ARFIP1: variants seen among roughly 807,000 people sequenced by gnomAD.
ARFIP1 encodes the protein ARF interacting protein 1, also known as arfaptin-1.
In ARFIP1, 24 loss-of-function variants were observed where a neutral mutation model predicts 42.5. The observed-to-expected ratio is 0.57, with a 90% confidence interval of 0.41 to 0.80. The LOEUF is 0.80. Among genes scored for constraint, ARFIP1 ranks in the 30% least tolerant of loss-of-function variants. The pLI is 0.00. For synonymous variants in ARFIP1, 141 were observed against 153.7 expected (o/e 0.92, Z 0.61); for missense variants, 354 against 434.0 (o/e 0.82, Z 1.64).
intron 2 of ARFIP1, among the ~76,000 whole-genome samples, chr4:152,862,171 C>A (rs1489486969): frequency 6.6e-6 from 1 of 152,116 alleles, no homozygotes; most frequent in African/African-American, 2.4e-5. Flanking sequence ...ATAATGACTG[C>A]CCAGTGCTAC....
chr4:152,806,077 C>G (rs1728974345), intron 1 of ARFIP1, among the ~76,000 whole-genome samples: 1 of 152,154 alleles, frequency 6.6e-6, no homozygotes, highest in South Asian at 2.1e-4. Context: ...TTTAAAAGAT[C>G]TAAAATGAGG....
intron 1 of ARFIP1, among the ~76,000 whole-genome samples, chr4:152,795,433 A>G (rs1428503231): frequency 6.6e-6 from 1 of 152,158 alleles, no homozygotes; most frequent in Non-Finnish European, 1.5e-5. Flanking sequence ...TTCCTACCAT[A>G]GAAAGGTAAT....
chr4:152,854,006 G>T (rs1335676905), intron 2 of ARFIP1, among the ~76,000 whole-genome samples: 2 of 134,942 alleles, frequency 1.5e-5, no homozygotes, highest in East Asian at 2.4e-4. Context: ...TCCACCTCCC[G>T]AGTTCAAGCA....
chr4:152,897,016 T>C lies in ARFIP1; in HGVS notation c.966+8709T>C, dbSNP rs145586493. On this transcript the variant is annotated intron_variant, in intron 8 of 8. Transcript: ENST00000353617. ...TTACAGAAGAAAATATCTTAACATA[T>C]GGTGCAACATTTGCTGCTGTTAGTG... Among the ~76,000 whole-genome samples the C allele has an allele frequency of 4.6e-5, 7 of 152,312 alleles. No homozygotes were observed. In the East Asian group the frequency reaches 1.2e-3, roughly 25 times the overall value.
At chr4:152,872,778 A>T (rs559244128) in intron 5 of ARFIP1, among the ~76,000 whole-genome samples, 274 of 152,308 alleles carry the variant, frequency 1.8e-3, no homozygotes, top group Non-Finnish European at 2.7e-3. Context: ...AAAAGCTATT[A>T]AAATGCTTAT....
intron 8 of ARFIP1, among the ~76,000 whole-genome samples, chr4:152,900,229 A>C (rs1737709031): frequency 6.6e-6 from 1 of 152,164 alleles, no homozygotes; most frequent in Admixed American, 6.5e-5. Flanking sequence ...AAAAAAGGCG[A>C]AAGACTTTTT....
At chr4:152,808,373 C>T (rs1256134169) in intron 1 of ARFIP1, among the ~76,000 whole-genome samples, 1 of 137,224 alleles carries the variant, frequency 7.3e-6, no homozygotes, top group Non-Finnish European at 1.5e-5. Context: ...TATGACTCCA[C>T]CACAGTTTAT....
intron 5 of ARFIP1, among the ~76,000 whole-genome samples, chr4:152,875,033 T>G (rs1735209322): frequency 6.6e-6 from 1 of 152,156 alleles, no homozygotes; most frequent in Non-Finnish European, 1.5e-5. Context: ...CTTTCTACCT[T>G]TAATTTCTTC....
Position 152,881,049 on chromosome 4 carries a change from G to A in ARFIP1, c.498G>A (p.Arg166=). The A allele has an allele frequency of 6.2e-7, 1 of 1,613,654 alleles. No homozygotes were observed. The highest frequency in any genetic ancestry group is 2.2e-5 in the East Asian group (1 of 44,868). Residue 166 remains arginine, a synonymous_variant, in exon 6 of 9, where the codon AGG becomes AGA. Coordinates refer to ENST00000353617, the MANE Select transcript of ARFIP1 (RefSeq NM_001025595.3). ...LELEAQIDIL[R]DNKKKYENIL... Reference sequence around the variant, plus strand: ...TTGAAGCTCAGATTGATATATTAAGGGATAACAAGAAAAAATATGAAAATA... The same window carrying A: ...TTGAAGCTCAGATTGATATATTAAGAGATAACAAGAAAAAATATGAAAATA...
Position 152,884,900 on chromosome 4 carries a change from A to T in ARFIP1, c.791+2020A>T, listed in dbSNP as rs143947837. On this transcript the variant is annotated intron_variant, in intron 7 of 8. Coordinates refer to ENST00000353617, the MANE Select transcript of ARFIP1 (RefSeq NM_001025595.3). ...TTGGAACTTTTGAACAAAATTATAA[A>T]TCAAGTTACATGTACTTGGTGGCTG... Among the ~76,000 whole-genome samples the T allele has an allele frequency of 2.4e-3, 362 of 152,188 alleles. 2 individuals carry two copies. The highest frequency in any genetic ancestry group is 8.2e-3 in the African/African-American group (342 of 41,568).
intron 5 of ARFIP1, among the ~76,000 whole-genome samples, chr4:152,874,036 C>T (rs1172509663): frequency 6.6e-6 from 1 of 152,196 alleles, no homozygotes; most frequent in African/African-American, 2.4e-5. Flanking sequence ...GTTCATCTTT[C>T]ATACTAGACT....
chr4:152,786,747 C>G (rs994712320), intron 1 of ARFIP1, among the ~76,000 whole-genome samples: 1 of 152,212 alleles, frequency 6.6e-6, no homozygotes, highest in Non-Finnish European at 1.5e-5. Context: ...GCTCTCCAGA[C>G]TCATCTTGTA....
chr4:152,819,140 C>T (rs1730148992), intron 1 of ARFIP1, among the ~76,000 whole-genome samples: 1 of 152,158 alleles, frequency 6.6e-6, no homozygotes, highest in East Asian at 1.9e-4. Context: ...AAGGCAAACA[C>T]AAATTCCACC....
intron 1 of ARFIP1, chr4:152,796,877 A>G (rs1200547862): frequency 4.3e-6 from 2 of 463,160 alleles, no homozygotes; most frequent in African/African-American, 2.1e-5. Flanking sequence ...TTGGGGTGCA[A>G]AAATGCTCTC....
intron 1 of ARFIP1, among the ~76,000 whole-genome samples, chr4:152,801,605 A>G (rs964766330): frequency 2.0e-5 from 3 of 152,200 alleles, no homozygotes; most frequent in African/African-American, 7.2e-5. Context: ...GAAATTGCCA[A>G]GATAGATAGA....
chr4:152,782,769 T>C (rs923298661), intron 1 of ARFIP1, among the ~76,000 whole-genome samples: 2 of 152,246 alleles, frequency 1.3e-5, no homozygotes, highest in Non-Finnish European at 2.9e-5. Flanking sequence ...AATACGTTAG[T>C]ATCCTTCCAA....
At chr4:152,811,195 G>T (rs762295700) in intron 1 of ARFIP1, among the ~76,000 whole-genome samples, 1 of 143,768 alleles carries the variant, frequency 7.0e-6, no homozygotes, top group Non-Finnish European at 1.5e-5. Flanking sequence ...TGCCTTCTGT[G>T]TGCCGGCTAC....
chr4:152,887,722 A>G (rs1736378548), intron 7 of ARFIP1, among the ~76,000 whole-genome samples: 1 of 152,236 alleles, frequency 6.6e-6, no homozygotes, highest in East Asian at 1.9e-4. Flanking sequence ...GACTTTTTTC[A>G]GAACCATTTA....
chr4:152,869,098 T>C (rs938872593), intron 3 of ARFIP1, among the ~76,000 whole-genome samples: 3 of 152,202 alleles, frequency 2.0e-5, no homozygotes, highest in Non-Finnish European at 4.4e-5. Context: ...GTTTGAATTT[T>C]AATGTGAGAT....
Sources: gnomAD v4.1 joint callset for allele counts (sites outside exome capture counted in the v4.1 genomes callset) on GRCh38, gnomAD v4.1.1 for gene constraint, MANE v1.5 for transcripts, NCBI Gene and HGNC (gene_info 2026-07-23, HGNC 2026-07-21) for gene names.